Variants in ARHGAP22 observed in about 807,000 individuals in gnomAD.
The protein encoded by ARHGAP22 is rho GTPase-activating protein 22.
A neutral mutation model predicts 59.1 loss-of-function variants in ARHGAP22; 48 were observed. The ratio of observed to expected loss-of-function variants is 0.81; its 90% CI spans 0.64 to 1.03. The LOEUF is 1.03. Ranked by LOEUF, ARHGAP22 falls within the 50% of genes least tolerant of loss-of-function variation. The pLI is 0.00. For synonymous variants in ARHGAP22, 445 were observed against 416.4 expected (o/e 1.07, Z -0.84); for missense variants, 1,015 against 958.7 (o/e 1.06, Z -0.78).
chr10:48,470,619 G>C (rs779342541), intron 4 of ARHGAP22, among the ~76,000 whole-genome samples: 4 of 152,216 alleles, frequency 2.6e-5, no homozygotes, highest in Non-Finnish European at 4.4e-5. Context: ...CTCCACTTGA[G>C]TACATGGACC....
At chr10:48,597,466 T>C (rs11101395) in intron 1 of ARHGAP22, among the ~76,000 whole-genome samples, 17,996 of 152,150 alleles carry the variant, frequency 0.12, 3,543 homozygotes, top group African/African-American at 0.41. Context: ...CACAGGATTC[T>C]GAGTCCCGAG....
chr10:48,532,676 C>G (rs967901074), intron 3 of ARHGAP22: 3 of 150,390 alleles, frequency 2.0e-5, no homozygotes, highest in African/African-American at 4.9e-5. Flanking sequence ...GTGATGTTCC[C>G]CTTCCTGTGT....
chr10:48,524,231 C>T (rs1222321317), intron 3 of ARHGAP22: 3 of 459,318 alleles, frequency 6.5e-6, no homozygotes, highest in Admixed American at 6.4e-5. Flanking sequence ...GGACCGCCGG[C>T]CCGCGGCTCC....
chr10:48,632,351 A>C (rs1196654921), intron 1 of ARHGAP22, among the ~76,000 whole-genome samples: 1 of 152,210 alleles, frequency 6.6e-6, no homozygotes, highest in African/African-American at 2.4e-5. Context: ...GTAGTTATGC[A>C]ATCCTATGTT....
chr10:48,614,574 T>G (rs952481308), intron 1 of ARHGAP22, among the ~76,000 whole-genome samples: 1 of 152,180 alleles, frequency 6.6e-6, no homozygotes, highest in Non-Finnish European at 1.5e-5. Context: ...AAATTCTGTC[T>G]CCTGTAGCAG....
rs754912116 is a variant in ARHGAP22, at chr10:48,446,500, C to T, written c.1988G>A (p.Arg663Gln). ...EIKLRNSERA[R>Q]EDAERRNQLL... ...CTGGTTCCTCCTCTCCGCATCCTCCCGCGCCCGTTCAGAGTTCCGCAGCTT... is the reference window on the plus strand; with the variant it reads ...CTGGTTCCTCCTCTCCGCATCCTCCTGCGCCCGTTCAGAGTTCCGCAGCTT... The change falls in exon 10 of 10, where the codon CGG becomes CAG. Residue 663 changes from arginine (R) to glutamine (Q), a missense_variant. Coordinates refer to ENST00000249601, the MANE Select transcript of ARHGAP22 (RefSeq NM_021226.4). 1.2e-5 allele frequency: 19 copies of T among 1,614,224 alleles called. No homozygotes were observed. Among genetic ancestry groups the T allele is most frequent in the East Asian group, 2.2e-5 (1 of 44,886 alleles).
At chr10:48,475,860 A>T (rs2048671829) in intron 4 of ARHGAP22, among the ~76,000 whole-genome samples, 1 of 152,166 alleles carries the variant, frequency 6.6e-6, no homozygotes, top group South Asian at 2.1e-4. Flanking sequence ...TACCATGATG[A>T]CAAGGCCATT....
the ARHGAP22 span, among the ~76,000 whole-genome samples, chr10:48,432,797 A>G: frequency 6.6e-6 from 1 of 152,246 alleles, no homozygotes; most frequent in East Asian, 1.9e-4. Context: ...TGATCACAAA[A>G]TAAGTCAGTG....
At chr10:48,455,604 C>A (rs959776250) in intron 5 of ARHGAP22, among the ~76,000 whole-genome samples, 1 of 152,220 alleles carries the variant, frequency 6.6e-6, no homozygotes, top group Non-Finnish European at 1.5e-5. Context: ...CCAGGGAGCC[C>A]CTTCCACAGG....
intron 3 of ARHGAP22, among the ~76,000 whole-genome samples, chr10:48,527,364 G>T (rs1194605070): frequency 1.3e-5 from 2 of 152,130 alleles, no homozygotes; most frequent in African/African-American, 4.8e-5. Context: ...TACATGAATG[G>T]ATGGGTGGAT....
chr10:48,449,544 G>C (rs2045689485), intron 9 of ARHGAP22, among the ~76,000 whole-genome samples: 1 of 152,214 alleles, frequency 6.6e-6, no homozygotes, highest in Admixed American at 6.5e-5. Flanking sequence ...CTAGTGGGTG[G>C]GACCCAGGTG....
chr10:48,556,645 T>A (rs569052212), intron 2 of ARHGAP22: 1 of 152,364 alleles, frequency 6.6e-6, no homozygotes, highest in African/African-American at 2.4e-5. Flanking sequence ...GAAACAGGAA[T>A]AATAAAGTAC....
chr10:48,490,717 C>CT, intron 3 of ARHGAP22, among the ~76,000 whole-genome samples: 1 of 152,326 alleles, frequency 6.6e-6, no homozygotes, highest in Middle Eastern at 3.4e-3. Flanking sequence ...CCCAGTCTCC[C>CT]TGGTGGGCCC....
At chr10:48,551,487 T>C (rs986502245) in intron 3 of ARHGAP22, among the ~76,000 whole-genome samples, 1 of 152,218 alleles carries the variant, frequency 6.6e-6, no homozygotes, top group African/African-American at 2.4e-5. Context: ...AAAGCAAATC[T>C]TGTGTGTAAG....
the ARHGAP22 span, chr10:48,438,818 T>G: frequency 2.6e-5 from 4 of 152,210 alleles, no homozygotes; most frequent in African/African-American, 9.6e-5. Flanking sequence ...CTTGCAAAAT[T>G]GTGCTCGTTG....
intron 2 of ARHGAP22, among the ~76,000 whole-genome samples, chr10:48,577,737 G>A (rs939384646): frequency 5.3e-5 from 8 of 149,818 alleles, no homozygotes; most frequent in Non-Finnish European, 1.2e-4. Context: ...GCTGAGTCGG[G>A]GCGGGCAGTC....
chr10:48,634,083 A>G (rs1433161476), intron 1 of ARHGAP22, among the ~76,000 whole-genome samples: 1 of 152,138 alleles, frequency 6.6e-6, no homozygotes, highest in Non-Finnish European at 1.5e-5. Context: ...CTGTTGAGAG[A>G]AGCCAGTTTG....
chr10:48,496,739 C>T (rs532583266), intron 3 of ARHGAP22, among the ~76,000 whole-genome samples: 1 of 152,234 alleles, frequency 6.6e-6, no homozygotes, highest in Admixed American at 6.5e-5. Context: ...TGCCGTGTGC[C>T]GGTTGCTACT....
At chr10:48,646,695 A>G (rs1406508353) in intron 1 of ARHGAP22, among the ~76,000 whole-genome samples, 1 of 152,048 alleles carries the variant, frequency 6.6e-6, no homozygotes, top group Non-Finnish European at 1.5e-5. Flanking sequence ...CAACAAAACA[A>G]CCCTTTGACT....
Sources: gnomAD v4.1 joint callset for allele counts (sites outside exome capture counted in the v4.1 genomes callset) on GRCh38, gnomAD v4.1.1 for gene constraint, MANE v1.5 for transcripts, NCBI Gene and HGNC (gene_info 2026-07-23, HGNC 2026-07-21) for gene names.